CRYL1: variants seen among roughly 807,000 people sequenced by gnomAD.
CRYL1 encodes the protein lambda-crystallin homolog.
A neutral mutation model predicts 36.6 loss-of-function variants in CRYL1; 29 were observed. That is an observed-to-expected ratio of 0.79 (90% CI 0.59 to 1.08). CRYL1 has a LOEUF of 1.08. Ranked by LOEUF, CRYL1 falls within the 50% of genes least tolerant of loss-of-function variation. The pLI is 0.00. For synonymous variants in CRYL1, 152 were observed against 151.5 expected, an observed-to-expected ratio of 1.00 and a Z score of -0.02; for missense variants, 411 against 407.9, an observed-to-expected ratio of 1.01 and a Z score of -0.06.
chr13:20,454,872 G>A (rs2032648231), intron 3 of CRYL1, among the ~76,000 whole-genome samples: 2 of 150,996 alleles, frequency 1.3e-5, no homozygotes, highest in South Asian at 4.2e-4. Flanking sequence ...AAGGCAAGCT[G>A]TCTCACTCTG....
At chr13:20,430,259 C>T (rs1290267659) in intron 5 of CRYL1, 2 of 984,942 alleles carry the variant, frequency 2.0e-6, no homozygotes, top group African/African-American at 3.5e-5. Flanking sequence ...TTCTTAATTT[C>T]CCATTTCTCT....
At chr13:20,467,550 G>T (rs1040199480) in intron 3 of CRYL1, among the ~76,000 whole-genome samples, 4 of 152,156 alleles carry the variant, frequency 2.6e-5, no homozygotes, top group Non-Finnish European at 4.4e-5. Context: ...GGCCTTGCGT[G>T]GTAGCTCATG....
intron 1 of CRYL1, among the ~76,000 whole-genome samples, chr13:20,513,012 G>A (rs1434442843): frequency 2.6e-5 from 4 of 152,082 alleles, no homozygotes; most frequent in Admixed American, 1.3e-4. Flanking sequence ...TGACTTGATC[G>A]TTACACATTC....
At chr13:20,493,035 G>C (rs1472350063) in intron 2 of CRYL1, among the ~76,000 whole-genome samples, 1 of 152,184 alleles carries the variant, frequency 6.6e-6, no homozygotes, top group Non-Finnish European at 1.5e-5. Context: ...CAATGATGTA[G>C]CTGTTAGAGA....
At chr13:20,475,595 C>T (rs1217331482) in intron 3 of CRYL1, among the ~76,000 whole-genome samples, 1 of 152,066 alleles carries the variant, frequency 6.6e-6, no homozygotes, top group African/African-American at 2.4e-5. Context: ...AAGAGTGTGG[C>T]ACAGGACCTG....
At chr13:20,412,340 G>C (rs2031545359) in intron 6 of CRYL1, among the ~76,000 whole-genome samples, 1 of 152,012 alleles carries the variant, frequency 6.6e-6, no homozygotes, top group African/African-American at 2.4e-5. Context: ...AGTATCCTTT[G>C]TTAAATGCAG....
Position 20,469,820 on chromosome 13 carries a change from G to A in CRYL1, c.276+19550C>T, listed in dbSNP as rs530655042. Among the ~76,000 whole-genome samples the A allele has an allele frequency of 5.8e-4, 88 of 152,326 alleles. No homozygotes were observed. The Middle Eastern group carries it at 0.01, about 18-fold the overall frequency. On this transcript the variant is annotated intron_variant, in intron 3 of 7. Coordinates refer to ENST00000298248, the MANE Select transcript of CRYL1 (RefSeq NM_015974.3). ...CTCACACCAATGTCTGGCCCCATGG[G>A]AAGGCTTGCTGGCAAAGCACTGGGC...
chr13:20,423,182 G>A (rs897678203), intron 5 of CRYL1, among the ~76,000 whole-genome samples: 2 of 151,998 alleles, frequency 1.3e-5, no homozygotes, highest in Admixed American at 6.6e-5. Context: ...AGAATTTTAG[G>A]GTTTTCTATA....
chr13:20,455,788 C>T (rs554261000), intron 3 of CRYL1, among the ~76,000 whole-genome samples: 11 of 152,282 alleles, frequency 7.2e-5, no homozygotes, highest in African/African-American at 2.6e-4. Context: ...ATAGCCAAAA[C>T]CATTTTGCAA....
At chr13:20,434,399 C>T (rs1593441403) in intron 4 of CRYL1, among the ~76,000 whole-genome samples, 2 of 152,134 alleles carry the variant, frequency 1.3e-5, no homozygotes, top group Admixed American at 6.5e-5. Flanking sequence ...CTCTGTAAAA[C>T]GCACCAATCA....
chr13:20,476,038 G>A (rs2033160855), intron 3 of CRYL1, among the ~76,000 whole-genome samples: 1 of 152,132 alleles, frequency 6.6e-6, no homozygotes, highest in African/African-American at 2.4e-5. Context: ...CTGCGCACGC[G>A]GCAGGAAGGA....
chr13:20,495,890 C>T (rs1172316137), intron 2 of CRYL1, among the ~76,000 whole-genome samples: 2 of 152,190 alleles, frequency 1.3e-5, no homozygotes, highest in African/African-American at 2.4e-5. Flanking sequence ...CTCCCCCTCC[C>T]GGCTTCAGGC....
Position 20,525,808 on chromosome 13 carries a change from A to T in CRYL1, c.-14T>A, listed in dbSNP as rs1439581965. ...GGAGGACGCCATGGTTGGGCCGGGG[A>T]CGCGGCGCCGCGGGCGCTGGGACCA... On this transcript the variant is annotated 5_prime_UTR_variant, in exon 1 of 8. Coordinates refer to ENST00000298248, the MANE Select transcript of CRYL1 (RefSeq NM_015974.3). The surrounding 1 kb of genome is among the most constrained non-coding windows in gnomAD (Gnocchi z 4.3). 8.1e-7 allele frequency: 1 copy of T among 1,237,334 alleles called. No individual in the cohort carries two copies. The highest frequency in any genetic ancestry group is 3.3e-5 in the East Asian group (1 of 30,568). 76.6% of individuals were successfully genotyped at this position (1,237,334 alleles called of 1,614,324 possible).
At position 20,452,111 on chromosome 13, in the gene CRYL1, C is replaced by T. The variant is rs58894657; in HGVS notation, c.277-12357G>A. ...GTACTCATGGACATAAAGATGGCAACCACAGATACCAGGGACTACTAGAAG... is the reference window on the plus strand; with the variant it reads ...GTACTCATGGACATAAAGATGGCAATCACAGATACCAGGGACTACTAGAAG... On this transcript the variant is annotated intron_variant, in intron 3 of 7. Coordinates refer to ENST00000298248, the MANE Select transcript of CRYL1 (RefSeq NM_015974.3). Among the ~76,000 whole-genome samples, 1,115 of 151,744 alleles carry T rather than the reference C, an allele frequency of 7.3e-3. 8 individuals carry two copies. Among genetic ancestry groups the T allele is most frequent in the African/African-American group, 0.026 (1,070 of 41,342 alleles).
chr13:20,435,923 G>C lies in CRYL1; in HGVS notation c.439-3627C>G, dbSNP rs115782544. The stretch of plus-strand genomic sequence containing the variant: ...CTCGGTGTTCGATGCTTCATGGGTA[G>C]CCCATCCTCTCGGCGGCGCGCTCGC... On this transcript the variant is annotated intron_variant, in intron 4 of 7. Transcript: ENST00000298248. The surrounding 1 kb of genome is among the most constrained non-coding windows in gnomAD (Gnocchi z 4.0). 4.8e-3 allele frequency among the ~76,000 whole-genome samples: 734 copies of C among 152,306 alleles called. 7 individuals carry two copies. The highest frequency in any genetic ancestry group is 0.016 in the African/African-American group (678 of 41,570).
At chr13:20,470,927 C>CAA (rs1282081880) in intron 3 of CRYL1, among the ~76,000 whole-genome samples, 44 of 113,812 alleles carry the variant, frequency 3.9e-4, no homozygotes, top group African/African-American at 1.4e-3. Context: ...AAAAAAAAAA[C>CAA]AAAAAAAAAA....
Position 20,466,682 on chromosome 13 carries a change from C to CTGTGTGTGTGTGTGTGTGTGTGTGTG in CRYL1, c.276+22662_276+22687dup, listed in dbSNP as rs57209647. 1.2e-3 allele frequency among the ~76,000 whole-genome samples: 159 copies of CTGTGTGTGTGTGTGTGTGTGTGTGTG among 129,572 alleles called. 1 individual carries two copies. Among genetic ancestry groups the CTGTGTGTGTGTGTGTGTGTGTGTGTG allele is most frequent in the African/African-American group, 4.0e-3 (154 of 38,798 alleles). 85.0% of individuals were successfully genotyped at this position (129,572 alleles called of 152,430 possible). A position where few individuals can be genotyped will look rare whatever the true frequency, so the allele number is the denominator to read the frequency against. ...AACTGGTATATTACTTTGGAAAACT[C>CTGTGTGTGTGTGTGTGTGTGTGTGTG]TGTGTGTGTGTGTGTGTGTGTGTGT... On this transcript the variant is annotated intron_variant, in intron 3 of 7. Transcript: ENST00000298248.
chr13:20,516,683 T>C (rs2034004083), intron 1 of CRYL1, among the ~76,000 whole-genome samples: 1 of 152,028 alleles, frequency 6.6e-6, no homozygotes, highest in African/African-American at 2.4e-5. Context: ...GGTTTCACCA[T>C]GTTAGCCATG....
At chr13:20,441,437 G>A (rs1000798642) in intron 3 of CRYL1, among the ~76,000 whole-genome samples, 1 of 152,096 alleles carries the variant, frequency 6.6e-6, no homozygotes, top group Non-Finnish European at 1.5e-5. Flanking sequence ...GCCACCAAAT[G>A]CATCCTCAAG....
Sources: gnomAD v4.1 joint callset for allele counts (sites outside exome capture counted in the v4.1 genomes callset) on GRCh38, gnomAD v4.1.1 for gene constraint, Gnocchi (gnomAD v3.1) non-coding constraint, MANE v1.5 for transcripts, NCBI Gene and HGNC (gene_info 2026-07-23, HGNC 2026-07-21) for gene names.